Variants in ITPR2 observed in about 807,000 individuals in gnomAD.
The protein encoded by ITPR2 is inositol 1,4,5-trisphosphate-gated calcium channel ITPR2.
ITPR2 carries 207 observed loss-of-function variants against 317.1 expected under a neutral mutation model. That is an observed-to-expected ratio of 0.65 (90% CI 0.58 to 0.73). The LOEUF is 0.73. ITPR2 is among the 30% of genes least tolerant of loss of function. ITPR2 has a pLI of 0.00. For synonymous variants in ITPR2, 1,156 were observed against 1,149.1 expected (o/e 1.01, Z -0.12); for missense variants, 2,613 against 3,284.0 (o/e 0.80, Z 4.99).
intron 1 of ITPR2, among the ~76,000 whole-genome samples, chr12:26,803,628 C>T (rs1950596585): frequency 6.6e-6 from 1 of 152,184 alleles, no homozygotes; most frequent in Non-Finnish European, 1.5e-5. Flanking sequence ...CTAGACAGAA[C>T]AGAACATCAG....
chr12:26,556,247 G>A lies in ITPR2; in HGVS notation c.4950C>T (p.Gly1650=), dbSNP rs552541041. The A allele has an allele frequency of 4.8e-5, 78 of 1,613,318 alleles. No individual in the cohort carries two copies. In the Middle Eastern group the frequency reaches 1.3e-3, roughly 27 times the overall value. ...PEGSDARIRC[G]AFMSKLINHT... Reference sequence around the variant, plus strand: ...GATCCACTTACTTCGACATGAAAGCGCCACATCTTATTCTTGCATCGCTTC... The same window carrying A: ...GATCCACTTACTTCGACATGAAAGCACCACATCTTATTCTTGCATCGCTTC... The change falls in exon 36 of 57, where the codon GGC becomes GGT. Residue 1650 remains glycine (G), a synonymous_variant. Coordinates refer to ENST00000381340, the MANE Select transcript of ITPR2 (RefSeq NM_002223.4).
rs11835934 is a variant in ITPR2 at position 26,791,398 on chromosome 12, A to G, written c.93-1171T>C. Among the ~76,000 whole-genome samples, 482 of 152,142 alleles carry G rather than the reference A, an allele frequency of 3.2e-3. 2 individuals carry two copies. Among genetic ancestry groups the G allele is most frequent in the African/African-American group, 0.011 (454 of 41,538 alleles). ...TTAAAAAAAAAAAAGAAGAAGAGGA[A>G]GTATTAACCAGACTCACTAGCATGC... is the stretch of plus-strand genomic sequence containing the variant. On this transcript the variant is annotated intron_variant, in intron 1 of 56. Coordinates refer to ENST00000381340, the MANE Select transcript of ITPR2 (RefSeq NM_002223.4).
In ITPR2 at chr12:26,566,174, G is replaced by A. The variant is rs1944978189; in HGVS notation, c.4631-4222C>T. Among the ~76,000 whole-genome samples, 3 of 131,036 alleles carry A rather than the reference G, an allele frequency of 2.3e-5. No individual in the cohort carries two copies. In the South Asian group the frequency reaches 8.6e-4, roughly 38 times the overall value. 86.0% of individuals were successfully genotyped at this position (131,036 alleles called of 152,430 possible). On this transcript the variant is annotated intron_variant, in intron 34 of 56. Transcript: ENST00000381340. ...GAGAAGGAGAGGAAAGAGGAGAGGG[G>A]AGAGGAGAGGGAGAGGGAGATGAGA...
chr12:26,362,308 G>A (rs1300723343), intron 55 of ITPR2, among the ~76,000 whole-genome samples: 1 of 152,152 alleles, frequency 6.6e-6, no homozygotes, highest in Non-Finnish European at 1.5e-5. Flanking sequence ...GAACTAGCAA[G>A]GATGTTTCTT....
chr12:26,414,160 C>T (rs1940648630), intron 51 of ITPR2, among the ~76,000 whole-genome samples: 1 of 151,562 alleles, frequency 6.6e-6, no homozygotes, highest in Non-Finnish European at 1.5e-5. Context: ...ACAAGAAAGA[C>T]AGTAACAGAA....
At chr12:26,343,425 A>G (rs1938200680) in intron 55 of ITPR2, among the ~76,000 whole-genome samples, 1 of 152,214 alleles carries the variant, frequency 6.6e-6, no homozygotes, top group Non-Finnish European at 1.5e-5. Flanking sequence ...ATGGATGCAG[A>G]CTATTAGCTG....
rs73284392 is a variant in ITPR2, at chr12:26,412,168, C to A, written c.7307-756G>T. On this transcript the variant is annotated intron_variant, in intron 51 of 56. Coordinates refer to ENST00000381340, the MANE Select transcript of ITPR2 (RefSeq NM_002223.4). ...GAGACAAGGGTAGGTCCAGTTGTAGCTACAAAGGCTGTAGCAGTATTGAAG... is the reference window on the plus strand; with the variant it reads ...GAGACAAGGGTAGGTCCAGTTGTAGATACAAAGGCTGTAGCAGTATTGAAG... 9.5e-3 allele frequency among the ~76,000 whole-genome samples: 1,448 copies of A among 152,280 alleles called. 27 individuals are homozygous for A. Among genetic ancestry groups the A allele is most frequent in the African/African-American group, 0.032 (1,339 of 41,544 alleles).
intron 54 of ITPR2, among the ~76,000 whole-genome samples, chr12:26,397,110 C>T (rs1292224481): frequency 6.6e-6 from 1 of 151,970 alleles, no homozygotes; most frequent in Non-Finnish European, 1.5e-5. Flanking sequence ...AAAAAATAGA[C>T]CCTGCAGTGT....
At chr12:26,639,292 G>T (rs1047001758) in intron 21 of ITPR2, among the ~76,000 whole-genome samples, 4 of 152,088 alleles carry the variant, frequency 2.6e-5, no homozygotes, top group Admixed American at 2.6e-4. Flanking sequence ...AAACAAAAAA[G>T]ACCTAATAAT....
chr12:26,627,886 C>T (rs1022454735), intron 23 of ITPR2, 147 bp downstream of exon 23: 8 of 668,224 alleles, frequency 1.2e-5, no homozygotes, highest in Middle Eastern at 4.3e-4. Flanking sequence ...CAAATCTGCA[C>T]GTTCTGCACA....
intron 1 of ITPR2, among the ~76,000 whole-genome samples, chr12:26,826,719 G>A (rs1176280560): frequency 1.3e-5 from 2 of 152,058 alleles, no homozygotes; most frequent in African/African-American, 4.8e-5. Context: ...CAAGGCAAAG[G>A]TGGCTATCAC....
intron 26 of ITPR2, among the ~76,000 whole-genome samples, chr12:26,620,410 C>T (rs926162613): frequency 4.6e-5 from 7 of 152,304 alleles, no homozygotes; most frequent in African/African-American, 1.4e-4. Context: ...CCCATCAAAA[C>T]GGCTTATATG....
intron 37 of ITPR2, among the ~76,000 whole-genome samples, chr12:26,510,513 C>A (rs968619775): frequency 6.6e-6 from 1 of 152,184 alleles, no homozygotes; most frequent in Non-Finnish European, 1.5e-5. Context: ...GTGAGAAGAT[C>A]ACAATGTCAG....
At position 26,681,879 on chromosome 12, in the gene ITPR2, T is replaced by C. The variant is rs1592032536; in HGVS notation, c.1404A>G (p.Glu468=). 1.7e-5 allele frequency: 28 copies of C among 1,608,910 alleles called. 1 individual carries two copies. The highest frequency in any genetic ancestry group is 2.7e-5 in the African/African-American group (2 of 74,896). Reference sequence around the variant, plus strand: ...AGACCAATTTAAAGAGTTACCTCCTTTCATTCTGAGTTATTGTGCCGTTTT... The same window carrying C: ...AGACCAATTTAAAGAGTTACCTCCTCTCATTCTGAGTTATTGTGCCGTTTT... The part of the protein sequence containing the change: ...KLENGTITQN[E]RRFVTKLLED... The change falls in exon 13 of 57, where the codon GAA becomes GAG. Residue 468 remains glutamate (E), a synonymous_variant. Transcript: ENST00000381340.
At chr12:26,600,211 A>C (rs1041235658) in intron 28 of ITPR2, 102 bp from the exon 29 acceptor site, 1 of 925,830 alleles carries the variant, frequency 1.1e-6, no homozygotes, top group African/African-American at 1.7e-5. Context: ...CTCTCTGCCC[A>C]TCTTTGATCT....
intron 2 of ITPR2, among the ~76,000 whole-genome samples, chr12:26,729,696 C>T (rs1948994944): frequency 6.6e-6 from 1 of 152,020 alleles, no homozygotes; most frequent in African/African-American, 2.4e-5. Context: ...CAAGCTAGTG[C>T]AGGAACAGAA....
chr12:26,518,920 A>G (rs1943597113), intron 37 of ITPR2, among the ~76,000 whole-genome samples: 1 of 152,168 alleles, frequency 6.6e-6, no homozygotes, highest in African/African-American at 2.4e-5. Flanking sequence ...AACTACACGT[A>G]AACTTTTTTG....
intron 39 of ITPR2, among the ~76,000 whole-genome samples, chr12:26,490,998 G>A (rs17395192): frequency 0.065 from 9,939 of 152,242 alleles, 466 homozygotes; most frequent in Non-Finnish European, 0.094. Flanking sequence ...ATAACACAAC[G>A]CATTTGAGGA....
At chr12:26,669,371 G>A (rs1271728021) in intron 13 of ITPR2, among the ~76,000 whole-genome samples, 1 of 152,074 alleles carries the variant, frequency 6.6e-6, no homozygotes, top group Non-Finnish European at 1.5e-5. Flanking sequence ...AAAAGACAAA[G>A]AAGCAATATT....
Sources: allele counts gnomAD v4.1 joint callset (sites outside exome capture counted in the v4.1 genomes callset), GRCh38; gene constraint gnomAD v4.1.1; transcripts MANE v1.5; gene names NCBI Gene and HGNC (gene_info 2026-07-23, HGNC 2026-07-21).